The following ZC3HAV1 variants were observed in gnomAD, a reference collection of about 807,000 sequenced individuals.
ZC3HAV1 encodes zinc finger CCCH-type antiviral protein 1.
ZC3HAV1 carries 41 observed loss-of-function variants against 86.6 expected under a neutral mutation model. That is an observed-to-expected ratio of 0.47 (90% CI 0.37 to 0.61). ZC3HAV1 has a LOEUF of 0.61. ZC3HAV1 is among the 20% of genes least tolerant of loss of function. The pLI is 0.00. For synonymous variants in ZC3HAV1, 421 were observed against 432.1 expected, an observed-to-expected ratio of 0.97 and a Z score of 0.32; for missense variants, 964 against 1,141.1, an observed-to-expected ratio of 0.84 and a Z score of 2.24.
Position 139,055,291 on chromosome 7 carries a change from G to C in ZC3HAV1, c.2101C>G (p.Gln701Glu), listed in dbSNP as rs2297236. Reference sequence around the variant, plus strand: ...GACACTGACGAGGTCTTTGCTGGCTGATGGCTACAAATAAAGAGAAAGAAT... The same window carrying C: ...GACACTGACGAGGTCTTTGCTGGCTCATGGCTACAAATAAAGAGAAAGAAT... ...VQQMKRGPDH[Q>E]PAKTSSVSLT... Residue 701 changes from glutamine (Q) to glutamate (E), a missense_variant, in exon 10 of 13, where the codon CAG becomes GAG. Transcript: ENST00000242351. 892,342 of 1,607,840 alleles carry C rather than the reference G, an allele frequency of 0.55. 249,262 individuals carry two copies. Among genetic ancestry groups the C allele is most frequent in the East Asian group, 0.65 (29,017 of 44,746 alleles).
intron 3 of ZC3HAV1, among the ~76,000 whole-genome samples, chr7:139,082,669 T>C (rs1817159102): frequency 6.6e-6 from 1 of 152,154 alleles, no homozygotes; most frequent in South Asian, 2.1e-4. Context: ...TTCTGACATA[T>C]GCTATAACAT....
chr7:139,105,644 A>G (rs1817912360), intron 1 of ZC3HAV1, among the ~76,000 whole-genome samples: 1 of 152,250 alleles, frequency 6.6e-6, no homozygotes. Flanking sequence ...AATCCTATCT[A>G]TAAATAATAG....
intron 1 of ZC3HAV1, among the ~76,000 whole-genome samples, chr7:139,100,269 C>T (rs1482866451): frequency 1.3e-5 from 2 of 151,928 alleles, no homozygotes; most frequent in Non-Finnish European, 2.9e-5. Flanking sequence ...CGGTGGCTCA[C>T]GCCTGTAATC....
chr7:139,073,776 C>A, intron 7 of ZC3HAV1, 80 bp downstream of exon 7: 1 of 1,416,774 alleles, frequency 7.1e-7, no homozygotes. Context: ...CAGGCATGAG[C>A]CACCGTGCCC....
chr7:139,102,956 GTATA>G (rs1301169358), intron 1 of ZC3HAV1, among the ~76,000 whole-genome samples: 3 of 137,368 alleles, frequency 2.2e-5, no homozygotes, highest in East Asian at 2.5e-4. Context: ...ATATGTATAT[GTATA>G]TGTATATGTA....
chr7:139,076,197 GT>G (rs1298988031), intron 6 of ZC3HAV1, 88 bp downstream of exon 6: 5 of 1,559,098 alleles, frequency 3.2e-6, no homozygotes, highest in Middle Eastern at 1.7e-4. Flanking sequence ...ATGGAAAAGT[GT>G]TTTTTTCTTT....
intron 12 of ZC3HAV1, among the ~76,000 whole-genome samples, chr7:139,048,377 G>A (rs6966846): frequency 0.47 from 71,385 of 151,926 alleles, 16,990 homozygotes; most frequent in Non-Finnish European, 0.5. Context: ...AGGTTGAGGC[G>A]GGTGGATCAC....
At chr7:139,077,401 G>T (rs193188307) in intron 5 of ZC3HAV1, among the ~76,000 whole-genome samples, 1 of 152,190 alleles carries the variant, frequency 6.6e-6, no homozygotes, top group South Asian at 2.1e-4. Context: ...GTGCCACCAC[G>T]CCCAGCTAAT....
At position 139,109,132 on chromosome 7, in the gene ZC3HAV1, G is replaced by C. The variant is rs1818027899; in HGVS notation, c.200C>G (p.Thr67Ser). 2.5e-6 allele frequency: 4 copies of C among 1,592,002 alleles called. No individual in the cohort carries two copies. Among genetic ancestry groups the C allele is most frequent in the Non-Finnish European group, 3.4e-6 (4 of 1,169,372 alleles). ...GCGACGGCAGACCCGGGCTCGAGTG[G>C]TGGCCACCACCGATCGGGTGATCCC... The part of the protein sequence containing the change: ...EAGITRSVVA[T>S]TRARVCRRKY... Residue 67 changes from threonine (T) to serine (S), a missense_variant, in exon 1 of 13, where the codon ACC becomes AGC. Thr to Ser is a moderately conservative substitution (Grantham distance 58, BLOSUM62 1). Coordinates refer to ENST00000242351, the MANE Select transcript of ZC3HAV1 (RefSeq NM_020119.4).
chr7:139,103,511 A>C (rs2130740047), intron 1 of ZC3HAV1, among the ~76,000 whole-genome samples: 1 of 152,326 alleles, frequency 6.6e-6, no homozygotes, highest in South Asian at 2.1e-4. Flanking sequence ...GAAAATGAGG[A>C]AACTGGGACA....
intron 1 of ZC3HAV1, among the ~76,000 whole-genome samples, chr7:139,096,917 G>A (rs1445045751): frequency 6.6e-6 from 1 of 152,060 alleles, no homozygotes; most frequent in Non-Finnish European, 1.5e-5. Context: ...TGGATAGCTT[G>A]AGCTTAGGAA....
Position 139,108,937 on chromosome 7 carries a change from G to T in ZC3HAV1, c.308+87C>A. On this transcript the variant is annotated intron_variant, in intron 1 of 12. Transcript: ENST00000242351. The surrounding 1 kb of genome is among the most constrained non-coding windows in gnomAD (Gnocchi z 4.2). ...CTGTCAGGTGCGGGGTCCCGGCGAAGCCGTGCCCCTCCCAGAACATTGCCC... is the reference window on the plus strand; with the variant it reads ...CTGTCAGGTGCGGGGTCCCGGCGAATCCGTGCCCCTCCCAGAACATTGCCC... The T allele has an allele frequency of 7.0e-7, 1 of 1,438,790 alleles. No individual in the cohort carries two copies. The highest frequency in any genetic ancestry group is 9.2e-7 in the Non-Finnish European group (1 of 1,083,620). The allele number at this position is 1,438,790 out of a possible 1,614,324, so 89.1% of individuals were successfully genotyped here.
chr7:139,086,512 A>G (rs1055711845), intron 2 of ZC3HAV1, among the ~76,000 whole-genome samples: 4 of 150,160 alleles, frequency 2.7e-5, no homozygotes, highest in African/African-American at 9.8e-5. Context: ...ACATTTTCCT[A>G]TAGGGACCCT....
Position 139,076,420 on chromosome 7 carries a change from AAAG to A in ZC3HAV1, c.1574-14_1574-12del. ...CTTTGCTGCAGCTACCTACAAAGAC[AAAG>A]AAGGGGTCTGAGGGACTGTTGAGCA... is the stretch of plus-strand genomic sequence containing the variant. On this transcript the variant is annotated splice_polypyrimidine_tract_variant and intron_variant, in intron 5 of 12. Transcript: ENST00000242351. 1 of 1,613,918 alleles carries A rather than the reference AAAG, an allele frequency of 6.2e-7. No individual in the cohort carries two copies.
intron 2 of ZC3HAV1, among the ~76,000 whole-genome samples, chr7:139,088,899 T>C (rs1313318309): frequency 6.6e-6 from 1 of 151,980 alleles, no homozygotes; most frequent in African/African-American, 2.4e-5. Flanking sequence ...GGTCGGGAGT[T>C]CGAGGCCAGG....
intron 1 of ZC3HAV1, among the ~76,000 whole-genome samples, chr7:139,103,842 G>C (rs1324186647): frequency 2.0e-5 from 3 of 152,184 alleles, no homozygotes; most frequent in African/African-American, 7.2e-5. Flanking sequence ...AATATGAATA[G>C]ATCTCCAAAA....
At chr7:139,049,111 ACTCT>A (rs1173194442) in intron 12 of ZC3HAV1, among the ~76,000 whole-genome samples, 5 of 138,776 alleles carry the variant, frequency 3.6e-5, no homozygotes, top group Non-Finnish European at 7.7e-5. Context: ...AGTACATCCA[ACTCT>A]CTCTCTCTCC....
At chr7:139,071,714 GGA>G (rs1314704068) in intron 7 of ZC3HAV1, among the ~76,000 whole-genome samples, 1 of 152,200 alleles carries the variant, frequency 6.6e-6, no homozygotes, top group Non-Finnish European at 1.5e-5. Flanking sequence ...GGCCACCACA[GGA>G]GAGAGAAGAG....
rs544821192 is a variant in ZC3HAV1 at position 139,097,983 on chromosome 7, C to T, written c.309-8224G>A. Among the ~76,000 whole-genome samples, 9 of 152,068 alleles carry T rather than the reference C, an allele frequency of 5.9e-5. No homozygotes were observed. In the East Asian group the frequency reaches 7.8e-4, roughly 13 times the overall value. On this transcript the variant is annotated intron_variant, in intron 1 of 12. Coordinates refer to ENST00000242351, the MANE Select transcript of ZC3HAV1 (RefSeq NM_020119.4). ...TTTTTAAGATGGAGTCTCACGCTGTCGCCCAGGTTGGAGGGCAATGGTGCA... is the reference window on the plus strand; with the variant it reads ...TTTTTAAGATGGAGTCTCACGCTGTTGCCCAGGTTGGAGGGCAATGGTGCA...
Sources: allele counts gnomAD v4.1 joint callset (sites outside exome capture counted in the v4.1 genomes callset), GRCh38; gene constraint gnomAD v4.1.1; non-coding constraint Gnocchi (gnomAD v3.1); transcripts MANE v1.5; gene names NCBI Gene and HGNC (gene_info 2026-07-23, HGNC 2026-07-21).